RPS6KA6: variants seen among roughly 807,000 people sequenced by gnomAD.
RPS6KA6 encodes the protein ribosomal protein S6 kinase alpha-6.
Under a neutral mutation model 65.4 loss-of-function variants are expected in RPS6KA6, and 27 were observed. The ratio of observed to expected loss-of-function variants is 0.41; its 90% CI spans 0.30 to 0.57. RPS6KA6 has a LOEUF of 0.57. Ranked by LOEUF, RPS6KA6 falls within the 20% of genes least tolerant of loss-of-function variation. The pLI is 0.24. For synonymous variants in RPS6KA6, 190 were observed against 184.2 expected, an observed-to-expected ratio of 1.03 and a Z score of -0.26; for missense variants, 486 against 555.6, an observed-to-expected ratio of 0.87 and a Z score of 1.26.
chrX:84,185,904 A>G (rs1385559859), intron 1 of RPS6KA6, among the ~76,000 whole-genome samples: 1 of 112,033 alleles, frequency 8.9e-6, no homozygotes, highest in Non-Finnish European at 1.9e-5. Flanking sequence ...TATAATTAAA[A>G]ACAAACAAAC....
Position 84,062,050 on chromosome X carries a change from T to C in RPS6KA6, c.*2227A>G, listed in dbSNP as rs2033309581. 9.0e-6 allele frequency: 1 copy of C among 111,482 alleles called. No individual in the cohort carries two copies. The highest frequency in any genetic ancestry group is 1.9e-5 in the Non-Finnish European group (1 of 52,982). 9.2% of individuals were successfully genotyped at this position (111,482 alleles called of 1,213,427 possible). ...TTTTCACTAGAAAACTCTCAAACAA[T>C]TATCGGGTACATCCAGTAGCATACC... On this transcript the variant is annotated 3_prime_UTR_variant, in exon 22 of 22. Transcript: ENST00000262752.
intron 8 of RPS6KA6, among the ~76,000 whole-genome samples, chrX:84,122,740 G>A (rs977283292): frequency 3.6e-5 from 4 of 111,211 alleles, no homozygotes; most frequent in African/African-American, 1.3e-4. Flanking sequence ...AGTGCTCTGG[G>A]GTCCTAGGTA....
chrX:84,186,189 C>A, intron 1 of RPS6KA6: 1 of 468,968 alleles, frequency 2.1e-6, no homozygotes, highest in Admixed American at 3.3e-5. Flanking sequence ...AATAAAAAAA[C>A]CATATGTGGT....
At chrX:84,164,212 T>G (rs2035562266) in intron 2 of RPS6KA6, 116 bp downstream of exon 2, 11 of 545,275 alleles carry the variant, frequency 2.0e-5, no homozygotes, top group Middle Eastern at 3.8e-4. Flanking sequence ...TAATTCCATT[T>G]GCTTATTACC....
At chrX:84,098,455 G>A (rs2034198387) in intron 18 of RPS6KA6, among the ~76,000 whole-genome samples, 1 of 110,960 alleles carries the variant, frequency 9.0e-6, no homozygotes, top group Non-Finnish European at 1.9e-5. Flanking sequence ...GCTGTTTTTT[G>A]GGGCCAGTGT....
chrX:84,089,518 T>A (rs2033999355), intron 20 of RPS6KA6, among the ~76,000 whole-genome samples: 1 of 110,991 alleles, frequency 9.0e-6, no homozygotes, highest in Admixed American at 9.6e-5. Flanking sequence ...GGGTCTTGGG[T>A]CTCTGTATGT....
rs751513045 is a variant in RPS6KA6, at chrX:84,107,221, T to C, written c.1112-181A>G. Among the ~76,000 whole-genome samples, 5 of 111,903 alleles carry C rather than the reference T, an allele frequency of 4.5e-5. 1 individual carries two copies. The South Asian group carries it at 1.8e-3, about 41-fold the overall frequency. The stretch of plus-strand genomic sequence containing the variant: ...ACATGCTCCATTTTAGTCAGTATTT[T>C]TTGTCTGTTCTTTTCACCACTGCAT... On this transcript the variant is annotated intron_variant, in intron 13 of 21. Coordinates refer to ENST00000262752, the MANE Select transcript of RPS6KA6 (RefSeq NM_014496.5).
At chrX:84,169,606 T>C (rs970287014) in intron 1 of RPS6KA6, among the ~76,000 whole-genome samples, 1 of 111,565 alleles carries the variant, frequency 9.0e-6, no homozygotes, top group African/African-American at 3.3e-5. Flanking sequence ...CTGAAAGATA[T>C]ATTGAAACTT....
chrX:84,140,512 AG>A (rs1461081083), intron 6 of RPS6KA6, among the ~76,000 whole-genome samples: 4 of 109,527 alleles, frequency 3.7e-5, no homozygotes, highest in Non-Finnish European at 7.6e-5. Flanking sequence ...CAAGGCAGGC[AG>A]ATCACTTGAG....
chrX:84,180,089 C>T (rs2055421765), intron 1 of RPS6KA6, among the ~76,000 whole-genome samples: 1 of 111,595 alleles, frequency 9.0e-6, no homozygotes, highest in Non-Finnish European at 1.9e-5. Context: ...CATTTCCCCT[C>T]ATATGACGTT....
intron 2 of RPS6KA6, among the ~76,000 whole-genome samples, chrX:84,161,941 C>G (rs2035520323): frequency 9.0e-6 from 1 of 111,204 alleles, no homozygotes; most frequent in Non-Finnish European, 1.9e-5. Flanking sequence ...TATTTTATTT[C>G]AGAAAAAACA....
In RPS6KA6 at chrX:84,077,618, T is replaced by C. The variant is rs190773388; in HGVS notation, c.1972-12507A>G. On this transcript the variant is annotated intron_variant, in intron 20 of 21. Transcript: ENST00000262752. ...ATATATGTTGAATCAAAAAAGAACA[T>C]TGACCTAAAGATAAAACCTAAAATG... 1.5e-3 allele frequency among the ~76,000 whole-genome samples: 165 copies of C among 111,718 alleles called. 1 individual carries two copies. Among genetic ancestry groups the C allele is most frequent in the African/African-American group, 4.9e-3 (151 of 30,824 alleles).
Position 84,153,967 on chromosome X carries a change from T to C in RPS6KA6, c.258+2108A>G, listed in dbSNP as rs140612728. On this transcript the variant is annotated intron_variant, in intron 3 of 21. Transcript: ENST00000262752. ...CTAAGATTTCCCTGAATTTAAGCACTACATTGACAACTTTTCATCATGTTG... is the reference window on the plus strand; with the variant it reads ...CTAAGATTTCCCTGAATTTAAGCACCACATTGACAACTTTTCATCATGTTG... 4.2e-3 allele frequency among the ~76,000 whole-genome samples: 473 copies of C among 111,852 alleles called. 2 individuals are homozygous for C. The highest frequency in any genetic ancestry group is 5.2e-3 in the Non-Finnish European group (276 of 53,060).
At chrX:84,147,091 C>G in intron 4 of RPS6KA6, 33 bp from the exon 5 acceptor site, 1 of 779,879 alleles carries the variant, frequency 1.3e-6, no homozygotes, top group Non-Finnish European at 1.9e-6. Flanking sequence ...ATATATTGCT[C>G]TCTTACATCA....
Position 84,102,027 on chromosome X carries a change from T to C in RPS6KA6, c.1776+10A>G. ...AATGAAAGGCAAATGGTGAAGTTTTTAAGGAATACCTCAGGTGCAACAAAG... is the reference window on the plus strand; with the variant it reads ...AATGAAAGGCAAATGGTGAAGTTTTCAAGGAATACCTCAGGTGCAACAAAG... On this transcript the variant is annotated intron_variant, in intron 18 of 21. Coordinates refer to ENST00000262752, the MANE Select transcript of RPS6KA6 (RefSeq NM_014496.5). 1 of 1,156,686 alleles carries C rather than the reference T, an allele frequency of 8.6e-7. No individual in the cohort carries two copies. Among genetic ancestry groups the C allele is most frequent in the Non-Finnish European group, 1.2e-6 (1 of 865,993 alleles).
At position 84,067,037 on chromosome X, in the gene RPS6KA6, A is replaced by G. The variant is rs746361357; in HGVS notation, c.1972-1926T>C. Among the ~76,000 whole-genome samples, 5 of 112,032 alleles carry G rather than the reference A, an allele frequency of 4.5e-5. No individual in the cohort carries two copies. In the East Asian group the frequency reaches 1.4e-3, roughly 32 times the overall value. ...AGCAGACTTGCAGAATAGGGGCCAG[A>G]CTGTTAGAAGAAAAACTAACACACA... On this transcript the variant is annotated intron_variant, in intron 20 of 21. Coordinates refer to ENST00000262752, the MANE Select transcript of RPS6KA6 (RefSeq NM_014496.5).
chrX:84,120,959 G>C (rs2034661534), intron 8 of RPS6KA6, among the ~76,000 whole-genome samples: 1 of 112,186 alleles, frequency 8.9e-6, no homozygotes, highest in African/African-American at 3.2e-5. Flanking sequence ...AAAAAGGTTG[G>C]ACATATATAT....
At chrX:84,137,532 C>T (rs1019881783) in intron 6 of RPS6KA6, among the ~76,000 whole-genome samples, 2 of 111,112 alleles carry the variant, frequency 1.8e-5, no homozygotes, top group Non-Finnish European at 3.8e-5. Flanking sequence ...CTGACATACA[C>T]GATAAAATTA....
intron 2 of RPS6KA6, among the ~76,000 whole-genome samples, chrX:84,156,736 C>T (rs774703249): frequency 2.7e-5 from 3 of 111,602 alleles, no homozygotes; most frequent in African/African-American, 6.5e-5. Context: ...AAATTTTATA[C>T]ATAAATTATA....
Sources: allele counts gnomAD v4.1 joint callset (sites outside exome capture counted in the v4.1 genomes callset), GRCh38; gene constraint gnomAD v4.1.1; transcripts MANE v1.5; gene names NCBI Gene and HGNC (gene_info 2026-07-23, HGNC 2026-07-21).